R3HDM1: variants seen among roughly 807,000 people sequenced by gnomAD.
The protein encoded by R3HDM1 is R3H domain containing 1, also known as R3H domain-containing protein 1.
R3HDM1 carries 46 observed loss-of-function variants against 141.1 expected under a neutral mutation model. That is an observed-to-expected ratio of 0.33 (90% CI 0.26 to 0.42). R3HDM1 has a LOEUF of 0.42. R3HDM1 is among the 10% of genes least tolerant of loss of function. The pLI, the probability that R3HDM1 is intolerant of heterozygous loss-of-function variation, is 1.00. For missense variants in R3HDM1, 1,184 were observed against 1,368.3 expected, an observed-to-expected ratio of 0.87 and a Z score of 2.12; for synonymous variants, 435 against 472.9, an observed-to-expected ratio of 0.92 and a Z score of 1.04.
At chr2:135,578,890 G>C (rs1706128316) in intron 1 of R3HDM1, among the ~76,000 whole-genome samples, 1 of 152,126 alleles carries the variant, frequency 6.6e-6, no homozygotes, top group Non-Finnish European at 1.5e-5. Context: ...TTAACCCTGT[G>C]TTCATTGACT....
At chr2:135,684,278 A>G (rs2070913568) in intron 21 of R3HDM1, among the ~76,000 whole-genome samples, 1 of 152,040 alleles carries the variant, frequency 6.6e-6, no homozygotes, top group African/African-American at 2.4e-5. Flanking sequence ...TTTAGTAGAG[A>G]TGAGGTTTCA....
In R3HDM1 at chr2:135,641,769, A is replaced by G; in HGVS notation, c.1453A>G (p.Ile485Val). Reference protein sequence around the residue: ...LEAAGIPPGSILINPQTGQPF... With the variant: ...LEAAGIPPGSVLINPQTGQPF... Reference sequence around the variant, plus strand: ...AGCGGCAGGCATACCACCTGGCAGTATTCTGATCAACCCACAAACAGGTTG... The same window carrying G: ...AGCGGCAGGCATACCACCTGGCAGTGTTCTGATCAACCCACAAACAGGTTG... Residue 485 changes from isoleucine (I) to valine (V), a missense_variant, in exon 15 of 27, where the codon ATT becomes GTT. By Grantham distance (29) the Ile-to-Val change is conservative (BLOSUM62 3). Coordinates refer to ENST00000683871, the MANE Select transcript of R3HDM1 (RefSeq NM_001378107.1). 1.2e-6 allele frequency: 2 copies of G among 1,613,852 alleles called. No individual in the cohort carries two copies. The highest frequency in any genetic ancestry group is 1.3e-5 in the African/African-American group (1 of 75,030).
At chr2:135,588,120 T>C (rs1708370030) in intron 1 of R3HDM1, among the ~76,000 whole-genome samples, 2 of 151,962 alleles carry the variant, frequency 1.3e-5, no homozygotes, top group Non-Finnish European at 2.9e-5. Flanking sequence ...CCCCTCTGAC[T>C]CTCTCTCCCT....
chr2:135,724,947 A>G lies in R3HDM1; in HGVS notation c.*655A>G, dbSNP rs1575300218. The G allele has an allele frequency of 6.6e-6, 1 of 152,592 alleles. No homozygotes were observed. Among genetic ancestry groups the G allele is most frequent in the Non-Finnish European group, 1.5e-5 (1 of 68,028 alleles). The allele number at this position is 152,592 out of a possible 1,614,324, so 9.5% of individuals were successfully genotyped here. On this transcript the variant is annotated 3_prime_UTR_variant, in exon 27 of 27. Coordinates refer to ENST00000683871, the MANE Select transcript of R3HDM1 (RefSeq NM_001378107.1). ...ATGCCTCTTAAACCACTTACATTCA[A>G]AGGGGAACAGAAATCATTCTAAGCA... is the stretch of plus-strand genomic sequence containing the variant.
chr2:135,651,930 A>T lies in R3HDM1; in HGVS notation c.1926A>T (p.Pro642=). 8.1e-6 allele frequency: 13 copies of T among 1,610,608 alleles called. No individual in the cohort carries two copies. Among genetic ancestry groups the T allele is most frequent in the Non-Finnish European group, 1.1e-5 (13 of 1,178,412 alleles). The change falls in exon 18 of 27, where the codon CCA becomes CCT. Residue 642 remains proline (P), a synonymous_variant. Coordinates refer to ENST00000683871, the MANE Select transcript of R3HDM1 (RefSeq NM_001378107.1). The part of the protein sequence containing the change: ...PPPPPPPPPL[P]PGQPVPTAGY... ...CACCACCTCCTCCTCCTCCCCTACCACCTGGGCAGCCAGTCCCTACTGCTG... is the reference window on the plus strand; with the variant it reads ...CACCACCTCCTCCTCCTCCCCTACCTCCTGGGCAGCCAGTCCCTACTGCTG...
At chr2:135,559,249 C>G (rs1372079656) in intron 1 of R3HDM1, 1 of 161,076 alleles carries the variant, frequency 6.2e-6, no homozygotes, top group East Asian at 1.9e-4. Flanking sequence ...ACAGCTGGGA[C>G]TACAGGCACA....
intron 24 of R3HDM1, among the ~76,000 whole-genome samples, chr2:135,718,750 G>A (rs898157175): frequency 2.2e-4 from 33 of 152,080 alleles, no homozygotes; most frequent in South Asian, 4.1e-4. Flanking sequence ...CCAAAGTGCT[G>A]CGATTACAAA....
intron 20 of R3HDM1, among the ~76,000 whole-genome samples, chr2:135,676,684 A>G (rs2069229210): frequency 6.6e-6 from 1 of 152,244 alleles, no homozygotes; most frequent in Non-Finnish European, 1.5e-5. Flanking sequence ...GTTGGAAGGC[A>G]CCTGTAATGT....
intron 18 of R3HDM1, among the ~76,000 whole-genome samples, chr2:135,652,499 C>A (rs567786492): frequency 1.3e-5 from 2 of 152,256 alleles, no homozygotes; most frequent in Admixed American, 1.3e-4. Context: ...CTGAAACAGA[C>A]CCCACTTGGT....
At chr2:135,723,257 G>A (rs993222219) in intron 26 of R3HDM1, among the ~76,000 whole-genome samples, 8 of 151,830 alleles carry the variant, frequency 5.3e-5, no homozygotes, top group African/African-American at 1.7e-4. Flanking sequence ...GAGTAGCTGG[G>A]ATTACAGTCG....
Position 135,565,310 on chromosome 2 carries a change from C to A in R3HDM1, c.-250+33677C>A, listed in dbSNP as rs569306576. ...TTGGCAAAATTCTCTTCTGTCCTTG[C>A]CAATGAAAAAAAATTATTATTATTA... On this transcript the variant is annotated intron_variant, in intron 1 of 26. Transcript: ENST00000683871. Among the ~76,000 whole-genome samples, 12 of 146,204 alleles carry A rather than the reference C, an allele frequency of 8.2e-5. No homozygotes were observed. The East Asian group carries it at 2.2e-3, about 27-fold the overall frequency.
intron 17 of R3HDM1, chr2:135,650,670 A>T: frequency 3.0e-6 from 3 of 984,030 alleles, no homozygotes; most frequent in Non-Finnish European, 3.6e-6. Context: ...CATTCACTGA[A>T]TTAGGCTAAT....
chr2:135,675,555 C>T (rs1474005680), intron 20 of R3HDM1, 69 bp downstream of exon 20: 1 of 1,429,256 alleles, frequency 7.0e-7, no homozygotes, highest in Non-Finnish European at 9.6e-7. Context: ...AACTACAATA[C>T]ATCTTCTATG....
chr2:135,691,398 G>A (rs1462526812), intron 21 of R3HDM1, among the ~76,000 whole-genome samples: 1 of 152,164 alleles, frequency 6.6e-6, no homozygotes, highest in African/African-American at 2.4e-5. Flanking sequence ...TGGATCGCTT[G>A]AGCTCAGGAG....
chr2:135,724,581 A>G lies in R3HDM1; in HGVS notation c.*289A>G. The G allele has an allele frequency of 3.7e-6, 1 of 271,132 alleles. No individual in the cohort carries two copies. Among genetic ancestry groups the G allele is most frequent in the Non-Finnish European group, 6.9e-6 (1 of 145,256 alleles). The allele number at this position is 271,132 out of a possible 1,614,324, so 16.8% of individuals were successfully genotyped here. The stretch of plus-strand genomic sequence containing the variant: ...TAGTTATTTTGTTTTATATTTCTAA[A>G]TTCTTGTATCAGATCCAAAGCTCTA... On this transcript the variant is annotated 3_prime_UTR_variant, in exon 27 of 27. Transcript: ENST00000683871.
rs1293274296 is a variant in R3HDM1, at chr2:135,641,574, T to C, written c.1258T>C (p.Ser420Pro). 6.2e-7 allele frequency: 1 copy of C among 1,614,092 alleles called. No individual in the cohort carries two copies. Residue 420 changes from serine (S) to proline (P), a missense_variant, in exon 15 of 27, where the codon TCT (serine) becomes CCT (proline). This residue lies in a region of R3HDM1 where 240 missense variants were observed against 312.3 expected (regional missense o/e 0.77). Coordinates refer to ENST00000683871, the MANE Select transcript of R3HDM1 (RefSeq NM_001378107.1). Reference sequence around the variant, plus strand: ...TGGTAGTGTAGGGTCATCTACAGGCTCTCTTTCTCACATCCAGCAGCCTCT... The same window carrying C: ...TGGTAGTGTAGGGTCATCTACAGGCCCTCTTTCTCACATCCAGCAGCCTCT... ...SSGSVGSSTG[S>P]LSHIQQPLPG...
At chr2:135,671,464 G>A (rs1386953255) in intron 19 of R3HDM1, among the ~76,000 whole-genome samples, 6 of 152,016 alleles carry the variant, frequency 3.9e-5, no homozygotes, top group Non-Finnish European at 7.4e-5. Flanking sequence ...CTGCCTCCTA[G>A]GTTCAAGTGA....
At chr2:135,676,185 G>A (rs1289864801) in intron 20 of R3HDM1, among the ~76,000 whole-genome samples, 1 of 152,092 alleles carries the variant, frequency 6.6e-6, no homozygotes, top group Non-Finnish European at 1.5e-5. Context: ...AAATAGCTAG[G>A]CAAGGTGGCG....
rs899365237 is a variant in R3HDM1, at chr2:135,724,875, T to A, written c.*583T>A. ...CTTCCTTGTAGGGCCCTTTCCTTAT[T>A]CATTTAGGTAGTGTGAACATTAAGT... is the stretch of plus-strand genomic sequence containing the variant. On this transcript the variant is annotated 3_prime_UTR_variant, in exon 27 of 27. Coordinates refer to ENST00000683871, the MANE Select transcript of R3HDM1 (RefSeq NM_001378107.1). 1 of 152,658 alleles carries A rather than the reference T, an allele frequency of 6.6e-6. No homozygotes were observed. The highest frequency in any genetic ancestry group is 1.5e-5 in the Non-Finnish European group (1 of 68,058). The allele number at this position is 152,658 out of a possible 1,614,324, so 9.5% of individuals were successfully genotyped here. A position where few individuals can be genotyped will look rare whatever the true frequency, so the allele number is the denominator to read the frequency against.
Sources: allele counts gnomAD v4.1 joint callset (sites outside exome capture counted in the v4.1 genomes callset), GRCh38; gene constraint gnomAD v4.1.1; regional missense constraint gnomAD v4.1.1; transcripts MANE v1.5; gene names NCBI Gene and HGNC (gene_info 2026-07-23, HGNC 2026-07-21).